Variants in CCDC148 observed in about 807,000 individuals in gnomAD.
CCDC148 encodes the protein coiled-coil domain containing 148, also known as coiled-coil domain-containing protein 148.
In CCDC148, 89 loss-of-function variants were observed where a neutral mutation model predicts 85.7. The ratio of observed to expected loss-of-function variants is 1.04; its 90% CI spans 0.87 to 1.24. The LOEUF (loss-of-function observed/expected upper bound fraction) is 1.24, where lower values mean the gene tolerates loss of function less well. Ranked by LOEUF, CCDC148 falls within the 50% of genes most tolerant of loss-of-function variation. The probability of loss-of-function intolerance (pLI) is 0.00; values close to 1 mark genes in which losing one functional copy is unlikely to be tolerated. For missense variants in CCDC148, 692 were observed against 671.7 expected (o/e 1.03, Z -0.33); for synonymous variants, 230 against 213.9 (o/e 1.08, Z -0.66).
intron 1 of CCDC148, among the ~76,000 whole-genome samples, chr2:158,365,683 C>G (rs1291873657): frequency 6.6e-6 from 1 of 152,044 alleles, no homozygotes; most frequent in Non-Finnish European, 1.5e-5. Context: ...GAAGGGATAG[C>G]ATTAGGAGAA....
chr2:158,435,332 TAAAGA>T (rs988913208), intron 1 of CCDC148, among the ~76,000 whole-genome samples: 4 of 152,278 alleles, frequency 2.6e-5, no homozygotes, highest in African/African-American at 9.6e-5. Flanking sequence ...TCCACATTCT[TAAAGA>T]AAAGAATTTT....
intron 11 of CCDC148, among the ~76,000 whole-genome samples, chr2:158,182,996 A>T (rs1684977002): frequency 6.6e-6 from 1 of 152,186 alleles, no homozygotes; most frequent in African/African-American, 2.4e-5. Flanking sequence ...CAATGTCAGG[A>T]AGTGGCTAAA....
At chr2:158,312,814 G>A (rs552964929) in intron 8 of CCDC148, among the ~76,000 whole-genome samples, 1 of 152,156 alleles carries the variant, frequency 6.6e-6, no homozygotes, top group South Asian at 2.1e-4. Flanking sequence ...AGGGGGAGAG[G>A]TGAAGAGGAT....
At chr2:158,353,143 C>T (rs918249090) in intron 2 of CCDC148, among the ~76,000 whole-genome samples, 17 of 148,700 alleles carry the variant, frequency 1.1e-4, no homozygotes, top group East Asian at 2.0e-4. Flanking sequence ...TAAAGACCAT[C>T]GAGACTAGGA....
At position 158,324,520 on chromosome 2, in the gene CCDC148, A is replaced by G. The variant is rs554688057; in HGVS notation, c.765-10626T>C. Among the ~76,000 whole-genome samples, 6 of 152,188 alleles carry G rather than the reference A, an allele frequency of 3.9e-5. No homozygotes were observed. The East Asian group carries it at 9.7e-4, about 25-fold the overall frequency. On this transcript the variant is annotated intron_variant, in intron 7 of 13. Transcript: ENST00000283233. ...AGTTTTGAAGATTTTGCCATCACTA[A>G]GGAGAGAAAATTTAATGTTGAACAC...
intron 1 of CCDC148, among the ~76,000 whole-genome samples, chr2:158,399,282 G>C (rs545699985): frequency 6.6e-6 from 1 of 152,252 alleles, no homozygotes; most frequent in South Asian, 2.1e-4. Context: ...TATGAGGCCA[G>C]CATCATCCTT....
At chr2:158,315,488 GA>G (rs149442091) in intron 7 of CCDC148, among the ~76,000 whole-genome samples, 20,479 of 151,960 alleles carry the variant, frequency 0.13, 1,730 homozygotes, top group Non-Finnish European at 0.18. Flanking sequence ...AAAAGGACTT[GA>G]AAAAAGTTTG....
chr2:158,348,708 G>A (rs959053135), intron 2 of CCDC148, among the ~76,000 whole-genome samples: 1 of 152,012 alleles, frequency 6.6e-6, no homozygotes, highest in African/African-American at 2.4e-5. Context: ...GTGGGTAGCA[G>A]TATAGAGGAA....
At chr2:158,285,245 G>A (rs1244411180) in intron 9 of CCDC148, among the ~76,000 whole-genome samples, 2 of 148,358 alleles carry the variant, frequency 1.3e-5, no homozygotes, top group South Asian at 2.1e-4. Flanking sequence ...CTGAGATCAT[G>A]CCATTGCACT....
At chr2:158,431,380 G>A (rs996257591) in intron 1 of CCDC148, among the ~76,000 whole-genome samples, 1 of 151,364 alleles carries the variant, frequency 6.6e-6, no homozygotes. Flanking sequence ...GAAAAACACA[G>A]AGAAGAATGA....
intron 2 of CCDC148, among the ~76,000 whole-genome samples, chr2:158,346,216 T>C (rs754579119): frequency 2.0e-5 from 3 of 152,268 alleles, no homozygotes; most frequent in East Asian, 1.9e-4. Flanking sequence ...CCCCTATCAG[T>C]TGGCTTCAGC....
At chr2:158,257,061 G>A (rs1689042712) in intron 9 of CCDC148, among the ~76,000 whole-genome samples, 1 of 151,142 alleles carries the variant, frequency 6.6e-6, no homozygotes, top group Admixed American at 6.6e-5. Flanking sequence ...TTTCTCTTCT[G>A]CCTCTTGCAT....
At chr2:158,344,869 T>C (rs912630344) in intron 3 of CCDC148, among the ~76,000 whole-genome samples, 5 of 152,094 alleles carry the variant, frequency 3.3e-5, no homozygotes, top group Non-Finnish European at 4.4e-5. Context: ...TGATAGGATC[T>C]TTACCACTTT....
At chr2:158,195,929 T>C (rs548247560) in intron 11 of CCDC148, among the ~76,000 whole-genome samples, 80 of 152,246 alleles carry the variant, frequency 5.3e-4, no homozygotes, top group Non-Finnish European at 9.1e-4. Context: ...ACAGCAGATA[T>C]AGCACATCAG....
At position 158,298,549 on chromosome 2, in the gene CCDC148, C is replaced by T. The variant is rs185264990; in HGVS notation, c.1110+10884G>A. 4.6e-5 allele frequency among the ~76,000 whole-genome samples: 7 copies of T among 152,096 alleles called. No homozygotes were observed. The East Asian group carries it at 1.4e-3, about 29-fold the overall frequency. ...GTTATCTGCTCTATTCTCACTTTCA[C>T]TTTATTATTTTTTCTTTATGTGCTT... On this transcript the variant is annotated intron_variant, in intron 9 of 13. Coordinates refer to ENST00000283233, the MANE Select transcript of CCDC148 (RefSeq NM_138803.4).
At chr2:158,252,961 C>T (rs1688856134) in intron 9 of CCDC148, among the ~76,000 whole-genome samples, 1 of 151,746 alleles carries the variant, frequency 6.6e-6, no homozygotes, top group African/African-American at 2.4e-5. Flanking sequence ...ACCCTGTGCA[C>T]CTGCTTCTCC....
chr2:158,345,986 T>G (rs767260047), intron 2 of CCDC148, among the ~76,000 whole-genome samples: 13 of 152,156 alleles, frequency 8.5e-5, no homozygotes, highest in Non-Finnish European at 1.6e-4. Context: ...TTGAAGATAC[T>G]TAAAGAAATA....
chr2:158,384,991 A>T (rs1379660956), intron 1 of CCDC148, among the ~76,000 whole-genome samples: 1 of 152,162 alleles, frequency 6.6e-6, no homozygotes, highest in Non-Finnish European at 1.5e-5. Context: ...AAATTCAGTT[A>T]CTTGCAGCTA....
At chr2:158,232,758 T>A (rs1687914139) in intron 10 of CCDC148, among the ~76,000 whole-genome samples, 1 of 152,126 alleles carries the variant, frequency 6.6e-6, no homozygotes, top group Non-Finnish European at 1.5e-5. Flanking sequence ...CATAAGCCAT[T>A]AAGATAAAGC....
Sources: allele counts gnomAD v4.1 joint callset (sites outside exome capture counted in the v4.1 genomes callset), GRCh38; gene constraint gnomAD v4.1.1; transcripts MANE v1.5; gene names NCBI Gene and HGNC (gene_info 2026-07-23, HGNC 2026-07-21).